The following ARHGEF28 variants were observed in gnomAD, a reference collection of about 807,000 sequenced individuals.
The protein encoded by ARHGEF28 is 190 kDa guanine nucleotide exchange factor.
A neutral mutation model predicts 206.6 loss-of-function variants in ARHGEF28; 152 were observed. That is an observed-to-expected ratio of 0.74 (90% CI 0.64 to 0.84). The LOEUF (loss-of-function observed/expected upper bound fraction) is 0.84, where lower values mean the gene tolerates loss of function less well. Among genes scored for constraint, ARHGEF28 ranks in the 40% least tolerant of loss-of-function variants. The probability of loss-of-function intolerance (pLI) is 0.00; values close to 1 mark genes in which losing one functional copy is unlikely to be tolerated. For synonymous variants in ARHGEF28, 763 were observed against 776.4 expected (o/e 0.98, Z 0.29); for missense variants, 2,028 against 2,073.2 (o/e 0.98, Z 0.42).
At chr5:73,772,720 T>C (rs891823471) in intron 4 of ARHGEF28, among the ~76,000 whole-genome samples, 2 of 152,102 alleles carry the variant, frequency 1.3e-5, no homozygotes, top group Admixed American at 1.3e-4. Context: ...GGGTGGGGCA[T>C]GTTGGACAGG....
intron 1 of ARHGEF28, among the ~76,000 whole-genome samples, chr5:73,680,632 A>G (rs113361706): frequency 5.6e-4 from 85 of 152,006 alleles, no homozygotes; most frequent in African/African-American, 2.0e-3. Context: ...CTATGTAACG[A>G]GACACCACCT....
At chr5:73,930,611 G>A (rs193301464) in intron 35 of ARHGEF28, among the ~76,000 whole-genome samples, 102 of 152,286 alleles carry the variant, frequency 6.7e-4, no homozygotes, top group Admixed American at 6.1e-3. Context: ...TTTCTAGGTG[G>A]AGAAAACTCA....
At chr5:73,784,757 G>C (rs1404146715) in intron 7 of ARHGEF28, among the ~76,000 whole-genome samples, 2 of 152,066 alleles carry the variant, frequency 1.3e-5, no homozygotes, top group African/African-American at 4.8e-5. Context: ...ACACACCTAT[G>C]ATAAAGTTTA....
chr5:73,713,139 GA>G, intron 2 of ARHGEF28, among the ~76,000 whole-genome samples: 1 of 152,200 alleles, frequency 6.6e-6, no homozygotes, highest in South Asian at 2.1e-4. Context: ...TTCTAATTGT[GA>G]AAAAATTTTA....
At chr5:73,896,547 G>T (rs762712282) in intron 29 of ARHGEF28, among the ~76,000 whole-genome samples, 2 of 152,198 alleles carry the variant, frequency 1.3e-5, no homozygotes, top group Non-Finnish European at 2.9e-5. Context: ...AGACAAATCT[G>T]CCTGGAGACC....
chr5:73,826,705 G>A (rs1318800668), intron 9 of ARHGEF28, among the ~76,000 whole-genome samples: 2 of 152,154 alleles, frequency 1.3e-5, no homozygotes. Flanking sequence ...TCAGAAGGGA[G>A]GCATCTGCAA....
At chr5:73,761,236 C>T (rs1156282666) in intron 4 of ARHGEF28, among the ~76,000 whole-genome samples, 1 of 152,172 alleles carries the variant, frequency 6.6e-6, no homozygotes, top group Admixed American at 6.5e-5. Context: ...TGACAGTAAC[C>T]AAGGAATATC....
At chr5:73,890,155 C>T (rs1001244596) in intron 26 of ARHGEF28, among the ~76,000 whole-genome samples, 3 of 152,082 alleles carry the variant, frequency 2.0e-5, no homozygotes, top group African/African-American at 7.2e-5. Flanking sequence ...GTATGAATAC[C>T]GATGGACAGG....
At chr5:73,874,547 G>T (rs1760320536) in intron 22 of ARHGEF28, among the ~76,000 whole-genome samples, 2 of 85,710 alleles carry the variant, frequency 2.3e-5, no homozygotes, top group South Asian at 8.5e-4. Flanking sequence ...ATCTCCTAAT[G>T]CTATCCCTCC....
At chr5:73,876,112 G>A (rs537804172) in intron 22 of ARHGEF28, among the ~76,000 whole-genome samples, 177 of 149,614 alleles carry the variant, frequency 1.2e-3, no homozygotes, top group Admixed American at 2.5e-3. Context: ...GTGGTTTGTA[G>A]TTCTCCTTGA....
At chr5:73,827,929 C>A (rs567258758) in intron 9 of ARHGEF28, 3 of 152,102 alleles carry the variant, frequency 2.0e-5, no homozygotes, top group African/African-American at 7.2e-5. Flanking sequence ...TAATTTGTTA[C>A]TGGAGTAGTT....
At chr5:73,817,632 G>C (rs976927062) in intron 9 of ARHGEF28, among the ~76,000 whole-genome samples, 26 of 152,194 alleles carry the variant, frequency 1.7e-4, no homozygotes, top group Non-Finnish European at 3.2e-4. Context: ...ATGTTGTCTT[G>C]TAGAAGACCT....
intron 4 of ARHGEF28, among the ~76,000 whole-genome samples, chr5:73,758,267 A>T (rs1311497928): frequency 6.6e-6 from 1 of 152,214 alleles, no homozygotes; most frequent in Non-Finnish European, 1.5e-5. Flanking sequence ...TTAAGAGAAA[A>T]ATAAAGCCCA....
At chr5:73,854,145 C>T (rs1302500014) in intron 14 of ARHGEF28, among the ~76,000 whole-genome samples, 1 of 152,072 alleles carries the variant, frequency 6.6e-6, no homozygotes, top group East Asian at 1.9e-4. Flanking sequence ...TTTCATCTCA[C>T]CCACTCTATT....
chr5:73,835,770 G>C (rs1241884782), intron 10 of ARHGEF28, among the ~76,000 whole-genome samples: 1 of 152,146 alleles, frequency 6.6e-6, no homozygotes, highest in Non-Finnish European at 1.5e-5. Flanking sequence ...AACAATCTGG[G>C]GCTTGTGGTT....
At chr5:73,824,440 G>A (rs967060486) in intron 9 of ARHGEF28, among the ~76,000 whole-genome samples, 5 of 152,058 alleles carry the variant, frequency 3.3e-5, no homozygotes, top group Non-Finnish European at 7.4e-5. Flanking sequence ...GGACCTCCTG[G>A]GGAATAGACA....
chr5:73,774,058 A>G lies in ARHGEF28; in HGVS notation c.659+20A>G, dbSNP rs754357322. On this transcript the variant is annotated intron_variant, in intron 5 of 35. Coordinates refer to ENST00000513042, the MANE Select transcript of ARHGEF28 (RefSeq NM_001177693.2). ...CACAAAGTGAGTTTAGCTACTTGAT[A>G]GTCTCTCTCTTATTTGTATAAAGTC... 1.9e-6 allele frequency: 3 copies of G among 1,557,706 alleles called. No homozygotes were observed. In the Admixed American group the frequency reaches 5.8e-5, roughly 30 times the overall value.
At chr5:73,764,255 C>T (rs1489367670) in intron 4 of ARHGEF28, among the ~76,000 whole-genome samples, 1 of 152,170 alleles carries the variant, frequency 6.6e-6, no homozygotes, top group Non-Finnish European at 1.5e-5. Context: ...TCCTTGGTCT[C>T]CCCATCTTTG....
chr5:73,897,461 C>G (rs1221758564), intron 29 of ARHGEF28, among the ~76,000 whole-genome samples: 2 of 152,166 alleles, frequency 1.3e-5, no homozygotes, highest in Non-Finnish European at 2.9e-5. Context: ...ATCTGTATTT[C>G]TAAAGATAAG....
Sources: allele counts gnomAD v4.1 joint callset (sites outside exome capture counted in the v4.1 genomes callset), GRCh38; gene constraint gnomAD v4.1.1; transcripts MANE v1.5; gene names NCBI Gene and HGNC (gene_info 2026-07-23, HGNC 2026-07-21).